Variants in VAT1L observed in about 807,000 individuals in gnomAD.
VAT1L encodes putative NADPH-dependent quinone oxidoreductase VAT1L.
In VAT1L, 34 loss-of-function variants were observed where a neutral mutation model predicts 44.1. That is an observed-to-expected ratio of 0.77 (90% CI 0.59 to 1.03). The LOEUF (loss-of-function observed/expected upper bound fraction) is 1.03. Ranked by LOEUF, VAT1L falls within the 50% of genes least tolerant of loss-of-function variation. VAT1L has a pLI of 0.00. For missense variants in VAT1L, 615 were observed against 538.8 expected, an observed-to-expected ratio of 1.14 and a Z score of -1.40; for synonymous variants, 253 against 202.2, an observed-to-expected ratio of 1.25 and a Z score of -2.13.
At chr16:77,800,787 G>C (rs2016033927) in intron 1 of VAT1L, 1 of 152,120 alleles carries the variant, frequency 6.6e-6, no homozygotes, top group Non-Finnish European at 1.5e-5. Context: ...GGAGTTAATA[G>C]GAAAGATACA....
At chr16:77,975,533 T>G (rs2018329758) in intron 8 of VAT1L, among the ~76,000 whole-genome samples, 1 of 152,024 alleles carries the variant, frequency 6.6e-6, no homozygotes, top group South Asian at 2.1e-4. Context: ...CAGCCCTCAC[T>G]CAGCCCCGAA....
chr16:77,842,451 G>C (rs1011535117), intron 3 of VAT1L, among the ~76,000 whole-genome samples: 15 of 152,218 alleles, frequency 9.9e-5, no homozygotes, highest in African/African-American at 3.6e-4. Context: ...AGTCTGCAAT[G>C]ACAGAACCAA....
intron 3 of VAT1L, among the ~76,000 whole-genome samples, chr16:77,829,833 T>C (rs940208415): frequency 1.3e-5 from 2 of 152,218 alleles, no homozygotes; most frequent in Admixed American, 6.5e-5. Flanking sequence ...CATTTGTGTC[T>C]GATATCTGAT....
At chr16:77,917,942 G>T (rs762481319) in intron 7 of VAT1L, among the ~76,000 whole-genome samples, 10 of 152,196 alleles carry the variant, frequency 6.6e-5, no homozygotes, top group Non-Finnish European at 1.5e-4. Flanking sequence ...AGACTCTCAA[G>T]GTCTGGGCTG....
At chr16:77,864,934 C>G (rs563564348) in intron 4 of VAT1L, among the ~76,000 whole-genome samples, 2 of 150,822 alleles carry the variant, frequency 1.3e-5, no homozygotes, top group East Asian at 3.9e-4. Context: ...TCCATTTGCC[C>G]AGTTCCATAG....
intron 2 of VAT1L, among the ~76,000 whole-genome samples, chr16:77,820,027 A>G (rs1462061592): frequency 6.6e-6 from 1 of 152,208 alleles, no homozygotes; most frequent in Non-Finnish European, 1.5e-5. Flanking sequence ...TGAGCCCTGA[A>G]AAGTTCAACT....
In VAT1L at chr16:77,978,985, C is replaced by G. The variant is rs909169996; in HGVS notation, c.*1290C>G. On this transcript the variant is annotated 3_prime_UTR_variant, in exon 9 of 9. Coordinates refer to ENST00000302536, the MANE Select transcript of VAT1L (RefSeq NM_020927.3). Reference sequence around the variant, plus strand: ...TCACTCACAAACAAATGTGGAGATACCAGGAGCTCATTTGATTCATACCCC... The same window carrying G: ...TCACTCACAAACAAATGTGGAGATAGCAGGAGCTCATTTGATTCATACCCC... 2.0e-5 allele frequency: 3 copies of G among 152,168 alleles called. No homozygotes were observed. Among genetic ancestry groups the G allele is most frequent in the African/African-American group, 7.2e-5 (3 of 41,428 alleles). 9.4% of individuals were successfully genotyped at this position (152,168 alleles called of 1,614,324 possible). A position where few individuals can be genotyped will look rare whatever the true frequency, so the allele number is the denominator to read the frequency against.
At chr16:77,973,338 G>A (rs936344175) in intron 8 of VAT1L, among the ~76,000 whole-genome samples, 3 of 152,260 alleles carry the variant, frequency 2.0e-5, no homozygotes, top group African/African-American at 4.8e-5. Context: ...AGGCTGGAGT[G>A]CAATGGCACG....
At chr16:77,936,624 G>C in intron 7 of VAT1L, among the ~76,000 whole-genome samples, 1 of 152,298 alleles carries the variant, frequency 6.6e-6, no homozygotes, top group East Asian at 1.9e-4. Context: ...TTAGTGAAGC[G>C]AGAGAGCGTG....
intron 8 of VAT1L, among the ~76,000 whole-genome samples, chr16:77,973,516 C>G (rs370007681): frequency 6.6e-6 from 1 of 152,070 alleles, no homozygotes; most frequent in South Asian, 2.1e-4. Flanking sequence ...AACTCCTGAC[C>G]TCATGATACG....
chr16:77,931,481 G>C (rs1305658950), intron 7 of VAT1L, among the ~76,000 whole-genome samples: 1 of 152,158 alleles, frequency 6.6e-6, no homozygotes, highest in East Asian at 1.9e-4. Flanking sequence ...AATAGCTCAG[G>C]GAAGGGGGAA....
At chr16:77,792,975 T>G (rs16946497) in intron 1 of VAT1L, among the ~76,000 whole-genome samples, 29,596 of 152,170 alleles carry the variant, frequency 0.19, 3,263 homozygotes, top group African/African-American at 0.29. Flanking sequence ...GGTTGCCGTA[T>G]AAACTTTAGT....
rs1040274000 is a variant in VAT1L, at chr16:77,862,392, A to T, written c.580-356A>T. Among the ~76,000 whole-genome samples the T allele has an allele frequency of 3.8e-4, 58 of 152,108 alleles. 1 individual carries two copies. The highest frequency in any genetic ancestry group is 3.7e-4 in the Non-Finnish European group (25 of 68,004). ...CACTTTAGGAGGCTGAGGCGGGTGGATTACCTGAGCTCAGGAGTTCGAGAC... is the reference window on the plus strand; with the variant it reads ...CACTTTAGGAGGCTGAGGCGGGTGGTTTACCTGAGCTCAGGAGTTCGAGAC... On this transcript the variant is annotated intron_variant, in intron 3 of 8. Transcript: ENST00000302536.
intron 1 of VAT1L, among the ~76,000 whole-genome samples, chr16:77,790,305 G>A (rs527730096): frequency 7.2e-5 from 11 of 152,238 alleles, no homozygotes; most frequent in Admixed American, 2.6e-4. Flanking sequence ...TTTGCAAACC[G>A]GGGGATCCTG....
chr16:77,931,442 T>TG (rs1393853338), intron 7 of VAT1L, among the ~76,000 whole-genome samples: 1 of 152,142 alleles, frequency 6.6e-6, no homozygotes, highest in Non-Finnish European at 1.5e-5. Context: ...ATGTGTTTCA[T>TG]GGAGGAGTAA....
At position 77,959,769 on chromosome 16, in the gene VAT1L, G is replaced by T. The variant is rs539263500; in HGVS notation, c.1078-12081G>T. Among the ~76,000 whole-genome samples, 6 of 152,320 alleles carry T rather than the reference G, an allele frequency of 3.9e-5. No individual in the cohort carries two copies. In the South Asian group the frequency reaches 1.2e-3, roughly 32 times the overall value. On this transcript the variant is annotated intron_variant, in intron 7 of 8. Coordinates refer to ENST00000302536, the MANE Select transcript of VAT1L (RefSeq NM_020927.3). ...AGGATTATTAACCCTCGTGGCCCAA[G>T]TGTGAAGGAACTAACCACTCACGTA...
chr16:77,892,626 T>C (rs2017280024), intron 7 of VAT1L: 5 of 691,594 alleles, frequency 7.2e-6, no homozygotes, highest in Admixed American at 3.6e-5. Context: ...GACTTCACAC[T>C]CCATAATGGC....
intron 7 of VAT1L, among the ~76,000 whole-genome samples, chr16:77,899,904 A>G (rs2017362655): frequency 6.6e-6 from 1 of 152,192 alleles, no homozygotes; most frequent in Admixed American, 6.5e-5. Context: ...AATGGCTACA[A>G]ATTACCAACT....
At position 77,876,398 on chromosome 16, in the gene VAT1L, T is replaced by C. The variant is rs1447230694; in HGVS notation, c.751T>C (p.Leu251=). ...CTCTGCTGAAGGTGTGGACATCGTT[T>C]TGGATTGCCTCTGTGGGGACAACAC... The part of the protein sequence containing the change: ...RISAEGVDIV[L]DCLCGDNTGK... Residue 251 remains leucine, a synonymous_variant, in exon 5 of 9, where the codon TTG becomes CTG. Coordinates refer to ENST00000302536, the MANE Select transcript of VAT1L (RefSeq NM_020927.3). 1.2e-6 allele frequency: 2 copies of C among 1,614,212 alleles called. No homozygotes were observed. Among genetic ancestry groups the C allele is most frequent in the South Asian group, 1.1e-5 (1 of 91,078 alleles).
Sources: allele counts gnomAD v4.1 joint callset (sites outside exome capture counted in the v4.1 genomes callset), GRCh38; gene constraint gnomAD v4.1.1; transcripts MANE v1.5; gene names NCBI Gene and HGNC (gene_info 2026-07-23, HGNC 2026-07-21).